The following FNIP1 variants were observed in gnomAD, a reference collection of about 807,000 sequenced individuals.
FNIP1 encodes folliculin-interacting protein 1.
In FNIP1, 40 loss-of-function variants were observed where a neutral mutation model predicts 124.5. The observed-to-expected ratio is 0.32, with a 90% CI of 0.25 to 0.42. The LOEUF (loss-of-function observed/expected upper bound fraction) is 0.42, where lower values mean the gene tolerates loss of function less well. Among genes scored for constraint, FNIP1 ranks in the 10% least tolerant of loss-of-function variants. FNIP1 has a pLI of 1.00. For missense variants in FNIP1, 1,176 were observed against 1,403.7 expected (o/e 0.84, Z 2.59); for synonymous variants, 472 against 470.6 (o/e 1.00, Z -0.04).
intron 1 of FNIP1, among the ~76,000 whole-genome samples, chr5:131,795,141 C>G (rs1772540604): frequency 6.6e-6 from 1 of 152,096 alleles, no homozygotes; most frequent in African/African-American, 2.4e-5. Context: ...CTCACATGCA[C>G]AAGTTTTATT....
chr5:131,731,641 C>CA (rs566611225), intron 2 of FNIP1, among the ~76,000 whole-genome samples: 13,036 of 132,006 alleles, frequency 0.099, 1,232 homozygotes, highest in African/African-American at 0.26. Flanking sequence ...GACTCTGTTT[C>CA]AAAAAAAAAA....
At position 131,703,109 on chromosome 5, in the gene FNIP1, C is replaced by T. The variant is rs577380242; in HGVS notation, c.1116+956G>A. ...TCTGTTTCGCTTGCAGTCTTTCTCA[C>T]TTCAATGCTGGCAACTTCATCCTTT... On this transcript the variant is annotated intron_variant, in intron 10 of 17. Coordinates refer to ENST00000510461, the MANE Select transcript of FNIP1 (RefSeq NM_133372.3). 5.3e-5 allele frequency among the ~76,000 whole-genome samples: 8 copies of T among 152,336 alleles called. No individual in the cohort carries two copies. In the South Asian group the frequency reaches 1.2e-3, roughly 24 times the overall value.
At chr5:131,783,566 G>A (rs1165660686) in intron 1 of FNIP1, among the ~76,000 whole-genome samples, 1 of 151,656 alleles carries the variant, frequency 6.6e-6, no homozygotes, top group Non-Finnish European at 1.5e-5. Flanking sequence ...AAATTCCTTA[G>A]AACTAAAATG....
chr5:131,721,931 G>A (rs946860084), intron 3 of FNIP1, among the ~76,000 whole-genome samples: 28 of 152,270 alleles, frequency 1.8e-4, no homozygotes, highest in African/African-American at 6.5e-4. Context: ...TAGATATCAT[G>A]GCAAATATCA....
intron 11 of FNIP1, among the ~76,000 whole-genome samples, chr5:131,694,091 G>A (rs930397647): frequency 2.0e-5 from 3 of 152,258 alleles, no homozygotes; most frequent in African/African-American, 7.2e-5. Context: ...CAAGGATGTA[G>A]AGCAATAGGA....
At chr5:131,787,979 T>C (rs1772273042) in intron 1 of FNIP1, among the ~76,000 whole-genome samples, 1 of 152,070 alleles carries the variant, frequency 6.6e-6, no homozygotes, top group Non-Finnish European at 1.5e-5. Context: ...GACCCTGTCT[T>C]CCTGCTGAAA....
intron 11 of FNIP1, among the ~76,000 whole-genome samples, chr5:131,693,303 T>TATATATATATAC (rs1768550919): frequency 1.4e-4 from 4 of 29,214 alleles, no homozygotes; most frequent in African/African-American, 3.7e-4. Context: ...TATACATATA[T>TATATATATATAC]ATATATATAT....
At chr5:131,764,960 C>T (rs1771369714) in intron 1 of FNIP1, among the ~76,000 whole-genome samples, 1 of 152,028 alleles carries the variant, frequency 6.6e-6, no homozygotes, top group Admixed American at 6.6e-5. Flanking sequence ...TGGTGGCTCA[C>T]ACCTGTAATT....
intron 6 of FNIP1, among the ~76,000 whole-genome samples, chr5:131,712,641 AG>A (rs1182013715): frequency 6.6e-6 from 1 of 152,220 alleles, no homozygotes; most frequent in African/African-American, 2.4e-5. Context: ...ATAACATGAA[AG>A]GGGGTATTAG....
intron 1 of FNIP1, among the ~76,000 whole-genome samples, chr5:131,772,404 T>C (rs1023410064): frequency 4.2e-5 from 5 of 117,940 alleles, no homozygotes; most frequent in Non-Finnish European, 6.9e-5. Flanking sequence ...TGTATCTGAA[T>C]AAAACAAATT....
chr5:131,669,476 T>C (rs1767689385), intron 15 of FNIP1, among the ~76,000 whole-genome samples: 1 of 152,104 alleles, frequency 6.6e-6, no homozygotes, highest in South Asian at 2.1e-4. Context: ...TTATATACCA[T>C]GACAGAGTGG....
chr5:131,780,661 C>T (rs533579596), intron 1 of FNIP1, among the ~76,000 whole-genome samples: 12 of 151,938 alleles, frequency 7.9e-5, no homozygotes, highest in Non-Finnish European at 1.6e-4. Flanking sequence ...TTTGATGTTA[C>T]TATTGTAATT....
chr5:131,741,094 A>G (rs1000033261), intron 2 of FNIP1, among the ~76,000 whole-genome samples: 1 of 152,158 alleles, frequency 6.6e-6, no homozygotes, highest in African/African-American at 2.4e-5. Context: ...TGGAGTTGCC[A>G]TTCTTTATTC....
intron 15 of FNIP1, among the ~76,000 whole-genome samples, chr5:131,655,047 C>T (rs908111972): frequency 2.0e-5 from 3 of 152,002 alleles, no homozygotes; most frequent in Non-Finnish European, 1.5e-5. Context: ...TTCAGCTGAC[C>T]AACAACATGG....
chr5:131,662,733 A>ATTTTTTTTTTTTT (rs34051607), intron 15 of FNIP1, among the ~76,000 whole-genome samples: 1 of 76,950 alleles, frequency 1.3e-5, no homozygotes, highest in African/African-American at 5.3e-5. Context: ...GATATTCTAG[A>ATTTTTTTTTTTTT]TTTTTTTTTT....
intron 15 of FNIP1, among the ~76,000 whole-genome samples, chr5:131,661,220 T>TTG (rs370206265): frequency 0.07 from 10,406 of 147,650 alleles, 362 homozygotes; most frequent in Non-Finnish European, 0.077. Context: ...TGTCTTTGTT[T>TTG]TGTGTGTGTG....
At chr5:131,791,308 GA>G (rs1772399137) in intron 1 of FNIP1, among the ~76,000 whole-genome samples, 2 of 152,076 alleles carry the variant, frequency 1.3e-5, no homozygotes, top group East Asian at 3.9e-4. Flanking sequence ...GATCAACAAA[GA>G]ATGCTAAAAT....
intron 2 of FNIP1, among the ~76,000 whole-genome samples, chr5:131,739,654 A>G (rs563703533): frequency 8.4e-4 from 128 of 152,096 alleles, no homozygotes; most frequent in South Asian, 5.4e-3. Flanking sequence ...TCTACTAAAA[A>G]TACAAAACGT....
At position 131,669,954 on chromosome 5, in the gene FNIP1, A is replaced by C. The variant is rs553209406; in HGVS notation, c.3108+509T>G. 2.6e-5 allele frequency among the ~76,000 whole-genome samples: 4 copies of C among 152,196 alleles called. No individual in the cohort carries two copies. The East Asian group carries it at 7.7e-4, about 29-fold the overall frequency. ...AAAAAGTTGGGGGCAGCGGGGACAA[A>C]AGGCATCCAGATTGTTAAGAAAGAT... On this transcript the variant is annotated intron_variant, in intron 15 of 17. Coordinates refer to ENST00000510461, the MANE Select transcript of FNIP1 (RefSeq NM_133372.3).
Sources: allele counts gnomAD v4.1 joint callset (sites outside exome capture counted in the v4.1 genomes callset), GRCh38; gene constraint gnomAD v4.1.1; transcripts MANE v1.5; gene names NCBI Gene and HGNC (gene_info 2026-07-23, HGNC 2026-07-21).